The following SLC24A2 variants were observed in gnomAD, a reference collection of about 807,000 sequenced individuals.
SLC24A2 encodes solute carrier family 24 member 2, also known as sodium/potassium/calcium exchanger 2.
SLC24A2 carries 36 observed loss-of-function variants against 62.0 expected under a neutral mutation model. The ratio of observed to expected loss-of-function variants is 0.58; its 90% CI spans 0.44 to 0.77. The LOEUF is 0.77. SLC24A2 is among the 30% of genes least tolerant of loss of function. The pLI, the probability that SLC24A2 is intolerant of heterozygous loss-of-function variation, is 0.00. For missense variants in SLC24A2, 846 were observed against 817.9 expected, an observed-to-expected ratio of 1.03 and a Z score of -0.42; for synonymous variants, 358 against 294.0, an observed-to-expected ratio of 1.22 and a Z score of -2.23.
chr9:19,697,927 A>G (rs1332342640), intron 2 of SLC24A2, among the ~76,000 whole-genome samples: 1 of 152,154 alleles, frequency 6.6e-6, no homozygotes, highest in Non-Finnish European at 1.5e-5. Context: ...TGACAACTCT[A>G]TACTTCTAAT....
the SLC24A2 span, among the ~76,000 whole-genome samples, chr9:20,093,424 A>AGTTACTCTTTTTTGT: frequency 6.6e-6 from 1 of 151,492 alleles, no homozygotes; most frequent in Non-Finnish European, 1.5e-5. Context: ...ATCTTTTTTG[A>AGTTACTCTTTTTTGT]GTTACTCTTT....
chr9:19,833,887 G>A, the SLC24A2 span, among the ~76,000 whole-genome samples: 1 of 152,310 alleles, frequency 6.6e-6, no homozygotes, highest in African/African-American at 2.4e-5. Context: ...ACTTCCAGAG[G>A]AACAATCAGG....
chr9:20,008,887 G>T, the SLC24A2 span, among the ~76,000 whole-genome samples: 4 of 152,172 alleles, frequency 2.6e-5, no homozygotes, highest in South Asian at 8.3e-4. Context: ...GGAGTTCTCC[G>T]GCTTCACTCT....
chr9:20,023,589 A>T, the SLC24A2 span, among the ~76,000 whole-genome samples: 1 of 152,152 alleles, frequency 6.6e-6, no homozygotes, highest in Non-Finnish European at 1.5e-5. Context: ...CAATCCCAAG[A>T]TATGTCAAAG....
At chr9:20,033,940 G>T in the SLC24A2 span, among the ~76,000 whole-genome samples, 2 of 152,160 alleles carry the variant, frequency 1.3e-5, no homozygotes, top group African/African-American at 4.8e-5. Context: ...GCTCACTCTT[G>T]AATTCTTTCC....
chr9:20,065,460 G>T, the SLC24A2 span, among the ~76,000 whole-genome samples: 1 of 152,178 alleles, frequency 6.6e-6, no homozygotes, highest in African/African-American at 2.4e-5. Flanking sequence ...GAGGAATGGA[G>T]AGAGAAAGGG....
chr9:20,178,103 A>G, the SLC24A2 span, among the ~76,000 whole-genome samples: 6 of 152,170 alleles, frequency 3.9e-5, no homozygotes, highest in East Asian at 1.9e-4. Flanking sequence ...TTCCTTTAAT[A>G]TAAGTGTAAA....
intron 2 of SLC24A2, among the ~76,000 whole-genome samples, chr9:19,759,652 C>T (rs528873844): frequency 1.5e-3 from 225 of 152,264 alleles, no homozygotes; most frequent in African/African-American, 5.2e-3. Context: ...TTGGTTTTGA[C>T]ATCAGTCATT....
chr9:19,603,137 T>C (rs1006504624), intron 4 of SLC24A2, among the ~76,000 whole-genome samples: 1 of 152,128 alleles, frequency 6.6e-6, no homozygotes, highest in Admixed American at 6.5e-5. Flanking sequence ...GCTCTTCTAA[T>C]AGAGTATTTC....
chr9:20,241,398 G>A, the SLC24A2 span, among the ~76,000 whole-genome samples: 13 of 152,178 alleles, frequency 8.5e-5, no homozygotes, highest in African/African-American at 2.2e-4. Context: ...TGGCTCTGAG[G>A]TCATCGCTTA....
the SLC24A2 span, among the ~76,000 whole-genome samples, chr9:20,252,474 GTCTT>G: frequency 1.3e-5 from 2 of 152,172 alleles, no homozygotes; most frequent in Non-Finnish European, 2.9e-5. Flanking sequence ...TAGTTCACTA[GTCTT>G]TCTACTACAC....
At chr9:19,523,629 A>G (rs1353403639) in intron 9 of SLC24A2, among the ~76,000 whole-genome samples, 1 of 151,842 alleles carries the variant, frequency 6.6e-6, no homozygotes, top group Non-Finnish European at 1.5e-5. Context: ...TGCCTGGCTA[A>G]TTTTTGCATT....
the SLC24A2 span, among the ~76,000 whole-genome samples, chr9:20,014,422 C>T: frequency 6.6e-6 from 1 of 151,462 alleles, no homozygotes; most frequent in Admixed American, 6.6e-5. Context: ...GGGATGTCTG[C>T]ACTCCCACGA....
intron 2 of SLC24A2, among the ~76,000 whole-genome samples, chr9:19,668,409 T>C (rs1426581377): frequency 6.6e-6 from 1 of 152,194 alleles, no homozygotes; most frequent in Non-Finnish European, 1.5e-5. Context: ...TCACAGAATA[T>C]AAGCAGTAGA....
chr9:19,598,802 A>G (rs973859112), intron 4 of SLC24A2, among the ~76,000 whole-genome samples: 3 of 152,306 alleles, frequency 2.0e-5, no homozygotes, highest in East Asian at 1.9e-4. Flanking sequence ...AATATAAAAC[A>G]TATGTTCATA....
In SLC24A2 at chr9:19,599,916, G is replaced by A. The variant is rs566643263; in HGVS notation, c.1079-2637C>T. 2.9e-4 allele frequency among the ~76,000 whole-genome samples: 44 copies of A among 152,266 alleles called. No individual in the cohort carries two copies. In the East Asian group the frequency reaches 7.7e-3, roughly 27 times the overall value. On this transcript the variant is annotated intron_variant, in intron 4 of 10. Transcript: ENST00000341998. The surrounding 1 kb of genome is among the most constrained non-coding windows in gnomAD (Gnocchi z 4.5). Reference sequence around the variant, plus strand: ...CACACTCTCCATAATGAATAACTAAGGCACTTTGAACATAATTGGATTAGG... The same window carrying A: ...CACACTCTCCATAATGAATAACTAAAGCACTTTGAACATAATTGGATTAGG...
chr9:19,675,522 G>C (rs188863347), intron 2 of SLC24A2, among the ~76,000 whole-genome samples: 1 of 152,064 alleles, frequency 6.6e-6, no homozygotes, highest in Non-Finnish European at 1.5e-5. Context: ...TTTCGGGTGC[G>C]GCTTGCTGTG....
At chr9:19,901,252 C>G in the SLC24A2 span, among the ~76,000 whole-genome samples, 1 of 152,116 alleles carries the variant, frequency 6.6e-6, no homozygotes, top group African/African-American at 2.4e-5. Flanking sequence ...AATGATGGCA[C>G]AAAGGGAGTT....
At chr9:19,800,324 A>G in the SLC24A2 span, among the ~76,000 whole-genome samples, 7,022 of 152,246 alleles carry the variant, frequency 0.046, 183 homozygotes, top group African/African-American at 0.064. Flanking sequence ...CCCAAGGTAT[A>G]GCCTTTCCTA....
Sources: allele counts gnomAD v4.1 joint callset (sites outside exome capture counted in the v4.1 genomes callset), GRCh38; gene constraint gnomAD v4.1.1; non-coding constraint Gnocchi (gnomAD v3.1); transcripts MANE v1.5; gene names NCBI Gene and HGNC (gene_info 2026-07-23, HGNC 2026-07-21).